Variants in LRR1 observed in about 807,000 individuals in gnomAD.
The protein encoded by LRR1 is leucine rich repeat protein 1, also known as leucine-rich repeat protein 1.
In LRR1, 29 loss-of-function variants were observed where a neutral mutation model predicts 31.6. That is an observed-to-expected ratio of 0.92 (90% CI 0.68 to 1.25). LRR1 has a LOEUF of 1.25. Ranked by LOEUF, LRR1 falls within the 50% of genes most tolerant of loss-of-function variation. LRR1 has a pLI of 0.00. For synonymous variants in LRR1, 179 were observed against 181.4 expected (o/e 0.99, Z 0.10); for missense variants, 485 against 487.2 (o/e 1.00, Z 0.04).
intron 1 of LRR1, 121 bp downstream of exon 1, chr14:49,599,324 G>T: frequency 8.6e-7 from 1 of 1,166,764 alleles, no homozygotes; most frequent in Non-Finnish European, 1.2e-6. Context: ...GGGGGTTCCT[G>T]AACTCCCAGC....
intron 2 of LRR1, 93 bp from the exon 3 acceptor site, chr14:49,607,307 A>G (rs995760001): frequency 1.6e-6 from 2 of 1,270,848 alleles, no homozygotes; most frequent in South Asian, 1.9e-5. Flanking sequence ...TATCACATTC[A>G]TAAGTAATGC....
chr14:49,608,406 A>ATTTTTTTTTTTTTTTTTT (rs71408651), intron 3 of LRR1, among the ~76,000 whole-genome samples: 8 of 21,098 alleles, frequency 3.8e-4, no homozygotes, highest in Non-Finnish European at 5.8e-4. Flanking sequence ...ACATTGCTTG[A>ATTTTTTTTTTTTTTTTTT]TTTTTTTTTT....
chr14:49,605,493 T>C (rs938429057), intron 2 of LRR1, among the ~76,000 whole-genome samples: 5 of 152,366 alleles, frequency 3.3e-5, no homozygotes, highest in African/African-American at 1.2e-4. Flanking sequence ...GTCTCAGAGA[T>C]CACTGATCTT....
At position 49,608,073 on chromosome 14, in the gene LRR1, C is replaced by A; in HGVS notation, c.956C>A (p.Ala319Glu). The part of the protein sequence containing the change: ...PKVLPVIKLQ[A>E]PLTLLESSAR... ...GTCCTTCCAGTAATAAAGCTGCAAG[C>A]ACCATTAACTTTATTGGAATCTTCT... The change falls in exon 3 of 4, where the codon GCA becomes GAA. Residue 319 changes from alanine (A) to glutamate (E), a missense_variant. Physicochemically the swap from Ala to Glu is moderately radical, Grantham distance 107 (BLOSUM62 -1). Transcript: ENST00000298288. 1 of 1,605,804 alleles carries A rather than the reference C, an allele frequency of 6.2e-7. No homozygotes were observed. The highest frequency in any genetic ancestry group is 8.5e-7 in the Non-Finnish European group (1 of 1,177,248).
chr14:49,604,719 C>T (rs1022822098), intron 2 of LRR1, among the ~76,000 whole-genome samples: 1 of 152,036 alleles, frequency 6.6e-6, no homozygotes, highest in Admixed American at 6.6e-5. Flanking sequence ...CTTCGGTGAA[C>T]TATGATTGTG....
At chr14:49,609,218 T>G (rs1433491250) in intron 3 of LRR1, among the ~76,000 whole-genome samples, 2 of 77,958 alleles carry the variant, frequency 2.6e-5, no homozygotes, top group African/African-American at 1.2e-4. Context: ...CACCTGGCCC[T>G]TTTTTTTTTT....
chr14:49,614,109 A>G (rs1314714176), intron 3 of LRR1, 147 bp from the exon 4 acceptor site: 2 of 772,356 alleles, frequency 2.6e-6, no homozygotes, highest in Admixed American at 3.1e-5. Context: ...GAAGTTTACA[A>G]TATGTCATAT....
intron 3 of LRR1, among the ~76,000 whole-genome samples, chr14:49,608,785 C>T (rs1055717498): frequency 7.9e-5 from 12 of 151,760 alleles, no homozygotes; most frequent in African/African-American, 2.7e-4. Context: ...GTGAGTCTTC[C>T]AAGTGATTTT....
chr14:49,602,382 A>G lies in LRR1; in HGVS notation c.196A>G (p.Ile66Val), dbSNP rs745819331. Residue 66 changes from isoleucine to valine, a missense_variant, in exon 2 of 4, where the codon ATT (isoleucine) becomes GTT (valine). Around this residue, in one of 3 missense-constraint regions of LRR1, gnomAD observed 260 missense variants for 249.6 expected, o/e 1.04. Transcript: ENST00000298288. Reference protein sequence around the residue: ...RGTRYELRENIEQFFTKFVDE... With the variant: ...RGTRYELRENVEQFFTKFVDE... ...TGGTTTTATGCAGCTAAGGGAGAACATTGAGCAATTCTTCACCAAATTTGT... is the reference window on the plus strand; with the variant it reads ...TGGTTTTATGCAGCTAAGGGAGAACGTTGAGCAATTCTTCACCAAATTTGT... 1.9e-6 allele frequency: 3 copies of G among 1,613,622 alleles called. No homozygotes were observed. In the East Asian group the frequency reaches 6.7e-5, roughly 36 times the overall value.
chr14:49,607,122 G>A (rs1882316637), intron 2 of LRR1, among the ~76,000 whole-genome samples: 1 of 150,602 alleles, frequency 6.6e-6, no homozygotes. Context: ...CTACTTCCTA[G>A]GCTCAGGTGA....
chr14:49,612,321 G>A (rs946752289), intron 3 of LRR1: 27 of 318,434 alleles, frequency 8.5e-5, no homozygotes, highest in Non-Finnish European at 4.7e-5. Context: ...TTAAAGCTGT[G>A]ACACCAAAAC....
intron 3 of LRR1, among the ~76,000 whole-genome samples, chr14:49,609,017 C>T (rs1314566061): frequency 7.0e-6 from 1 of 143,762 alleles, no homozygotes; most frequent in Non-Finnish European, 1.5e-5. Flanking sequence ...AGGTTCACGC[C>T]ATTCTCGTGC....
chr14:49,610,440 AGATGGG>A (rs1425635804), intron 3 of LRR1, among the ~76,000 whole-genome samples: 1 of 151,136 alleles, frequency 6.6e-6, no homozygotes, highest in East Asian at 1.9e-4. Context: ...TTTTTAGTAG[AGATGGG>A]GTTTCACCAC....
At chr14:49,609,895 T>TG (rs1242568460) in intron 3 of LRR1, among the ~76,000 whole-genome samples, 1 of 151,874 alleles carries the variant, frequency 6.6e-6, no homozygotes, top group East Asian at 1.9e-4. Context: ...TTAGCAGAGA[T>TG]GGGGTTTCAC....
intron 3 of LRR1, among the ~76,000 whole-genome samples, chr14:49,612,287 C>T (rs925430181): frequency 3.9e-5 from 6 of 152,030 alleles, no homozygotes; most frequent in South Asian, 4.1e-4. Flanking sequence ...TTTTAAGCTC[C>T]CTTGTTTTAA....
At chr14:49,603,492 T>G (rs1882150606) in intron 2 of LRR1, 3 of 414,564 alleles carry the variant, frequency 7.2e-6, no homozygotes, top group South Asian at 9.1e-5. Flanking sequence ...ATCTTGTATT[T>G]TATTTACTGT....
intron 1 of LRR1, chr14:49,600,576 T>C (rs1004804618): frequency 5.1e-6 from 8 of 1,574,816 alleles, no homozygotes; most frequent in Admixed American, 1.9e-5. Context: ...AAAAAAAGAA[T>C]AGGATCAAGA....
At position 49,607,840 on chromosome 14, in the gene LRR1, C is replaced by G. The variant is rs771434470; in HGVS notation, c.723C>G (p.Leu241=). ...LDLSKNKIKA[L]PVQFCQLQEL... ...TCAGCAAGAACAAAATCAAGGCACT[C>G]CCTGTGCAGTTTTGCCAGCTCCAGG... Residue 241 remains leucine (L), a synonymous_variant, in exon 3 of 4, where the codon CTC becomes CTG. Coordinates refer to ENST00000298288, the MANE Select transcript of LRR1 (RefSeq NM_152329.4). 1 of 1,614,054 alleles carries G rather than the reference C, an allele frequency of 6.2e-7. No individual in the cohort carries two copies. Among genetic ancestry groups the G allele is most frequent in the Non-Finnish European group, 8.5e-7 (1 of 1,179,968 alleles).
chr14:49,600,292 G>A (rs1594582934), intron 1 of LRR1: 1 of 1,491,462 alleles, frequency 6.7e-7, no homozygotes. Context: ...CAAAATGTGA[G>A]GGAGGAGTGG....
Sources: gnomAD v4.1 joint callset for allele counts (sites outside exome capture counted in the v4.1 genomes callset) on GRCh38, gnomAD v4.1.1 for gene constraint, gnomAD v4.1.1 regional missense constraint, MANE v1.5 for transcripts, NCBI Gene and HGNC (gene_info 2026-07-23, HGNC 2026-07-21) for gene names.